The following TRIP6 variants were observed in gnomAD, a reference collection of about 807,000 sequenced individuals.
TRIP6 encodes thyroid hormone receptor interactor 6, also known as thyroid receptor-interacting protein 6.
In TRIP6, 33 loss-of-function variants were observed where a neutral mutation model predicts 51.9. The observed-to-expected ratio is 0.64, with a 90% confidence interval of 0.48 to 0.85. TRIP6 has a LOEUF of 0.85. Among genes scored for constraint, TRIP6 ranks in the 40% least tolerant of loss-of-function variants. The probability of loss-of-function intolerance (pLI) is 0.00; values close to 1 mark genes in which losing one functional copy is unlikely to be tolerated. For synonymous variants in TRIP6, 255 were observed against 275.8 expected (o/e 0.92, Z 0.75); for missense variants, 661 against 652.1 (o/e 1.01, Z -0.15).
intron 6 of TRIP6, chr7:100,871,323 C>T (rs1815263622): frequency 1.7e-6 from 1 of 602,552 alleles, no homozygotes; most frequent in African/African-American, 1.9e-5. Flanking sequence ...GCGTGAGCCA[C>T]TGCACCCAGC....
chr7:100,873,164 T>G lies in TRIP6; in HGVS notation c.1300-8T>G. The G allele has an allele frequency of 6.2e-7, 1 of 1,607,582 alleles. No homozygotes were observed. Among genetic ancestry groups the G allele is most frequent in the Non-Finnish European group, 8.5e-7 (1 of 1,175,740 alleles). On this transcript the variant is annotated splice_polypyrimidine_tract_variant and splice_region_variant and intron_variant, in intron 8 of 8. Coordinates refer to ENST00000200457, the MANE Select transcript of TRIP6 (RefSeq NM_003302.3). ...GCGCCCGGCCAATTGTTGCTTCTTT[T>G]TCAACAGGAGTGTGGGCTGCTGCTC...
intron 4 of TRIP6, among the ~76,000 whole-genome samples, 165 bp downstream of exon 4, chr7:100,869,031 T>C (rs987216503): frequency 3.9e-5 from 6 of 152,100 alleles, no homozygotes; most frequent in Admixed American, 3.9e-4. Flanking sequence ...CACTGCAACC[T>C]CTGCCTCCCG....
intron 8 of TRIP6, 74 bp from the exon 9 acceptor site, chr7:100,873,098 C>T (rs964000673): frequency 4.5e-6 from 7 of 1,557,558 alleles, no homozygotes; most frequent in Non-Finnish European, 5.2e-6. Context: ...ATCCTCCTGC[C>T]TCGGCTTCTC....
intron 3 of TRIP6, 125 bp downstream of exon 3, chr7:100,868,358 A>G: frequency 6.4e-7 from 1 of 1,569,156 alleles, no homozygotes. Flanking sequence ...TGCAAGTACC[A>G]ACATGTCAGC....
chr7:100,873,307 T>C lies in TRIP6; in HGVS notation c.*4T>C. 1 of 1,597,356 alleles carries C rather than the reference T, an allele frequency of 6.3e-7. No homozygotes were observed. The highest frequency in any genetic ancestry group is 8.6e-7 in the Non-Finnish European group (1 of 1,167,058). On this transcript the variant is annotated 3_prime_UTR_variant, in exon 9 of 9. Coordinates refer to ENST00000200457, the MANE Select transcript of TRIP6 (RefSeq NM_003302.3). The stretch of plus-strand genomic sequence containing the variant: ...CACCGTCACCACTGACTGCTGAGTC[T>C]TCCTAGAAGTACCTGCTGGGTTCTC...
At chr7:100,870,988 T>G (rs1321622547) in intron 6 of TRIP6, 4 of 671,268 alleles carry the variant, frequency 6.0e-6, no homozygotes, top group African/African-American at 1.8e-5. Context: ...ATGTGTTAGA[T>G]TCCCATGACA....
chr7:100,871,826 C>T, intron 7 of TRIP6, 105 bp downstream of exon 7: 1 of 1,388,126 alleles, frequency 7.2e-7, no homozygotes, highest in Non-Finnish European at 9.7e-7. Context: ...CCTGGCCCTC[C>T]TTCGTTCTTT....
At chr7:100,872,494 C>G in intron 7 of TRIP6, 130 bp from the exon 8 acceptor site, 1 of 1,398,594 alleles carries the variant, frequency 7.2e-7, no homozygotes, top group Non-Finnish European at 9.6e-7. Flanking sequence ...GACATCGTCC[C>G]TTCCCCAAGA....
Position 100,870,725 on chromosome 7 carries a change from T to G in TRIP6, c.981T>G (p.Tyr327Ter). The G allele has an allele frequency of 6.2e-7, 1 of 1,613,060 alleles. No homozygotes were observed. Among genetic ancestry groups the G allele is most frequent in the East Asian group, 2.2e-5 (1 of 44,840 alleles). Residue 327 changes from tyrosine to a stop codon, truncating the protein, a stop_gained, in exon 6 of 9, where the codon TAT becomes TAG. Coordinates refer to ENST00000200457, the MANE Select transcript of TRIP6 (RefSeq NM_003302.3). LOFTEE classifies it high-confidence loss of function. Reference protein sequence around the residue: ...QHFYAVERRAYCEGCYVATLE... With the variant: ...QHFYAVERRA ...TCTACGCCGTGGAGAGGAGGGCATA[T>G]TGCGAGGGCTGCTACGTGGTGAGTG...
intron 6 of TRIP6, 133 bp from the exon 7 acceptor site, chr7:100,871,410 C>A: frequency 2.4e-6 from 2 of 843,150 alleles, no homozygotes; most frequent in East Asian, 2.6e-5. Flanking sequence ...CTCAAGTCTG[C>A]CTTTCACCGA....
rs770259520 is a variant in TRIP6 at position 100,871,737 on chromosome 7, C to T, written c.1178+16C>T. The T allele has an allele frequency of 3.7e-6, 6 of 1,609,764 alleles. No individual in the cohort carries two copies. The highest frequency in any genetic ancestry group is 5.1e-6 in the Non-Finnish European group (6 of 1,177,032). On this transcript the variant is annotated intron_variant, in intron 7 of 8. Coordinates refer to ENST00000200457, the MANE Select transcript of TRIP6 (RefSeq NM_003302.3). ...ACTTTCACAGGTCAGGCCTGGCCTC[C>T]ACCTTGTCTCACAATGTCTGACCTT...
In TRIP6 at chr7:100,872,658, G is replaced by T; in HGVS notation, c.1213G>T (p.Ala405Ser). ...CCCAAGATGCTCAGTGTGCGGTGGG[G>T]CCATAATGCCTGAGCCAGGTCAGGA... ...FAPRCSVCGG[A>S]IMPEPGQEET... The change falls in exon 8 of 9, where the codon GCC becomes TCC. Residue 405 changes from alanine to serine, a missense_variant. By Grantham distance (99) the Ala-to-Ser change is moderately conservative (BLOSUM62 1). Coordinates refer to ENST00000200457, the MANE Select transcript of TRIP6 (RefSeq NM_003302.3). The T allele has an allele frequency of 6.2e-7, 1 of 1,614,064 alleles. No individual in the cohort carries two copies. The highest frequency in any genetic ancestry group is 8.5e-7 in the Non-Finnish European group (1 of 1,179,990).
At chr7:100,868,016 A>G (rs2115613568) in intron 2 of TRIP6, 28 bp downstream of exon 2, 1 of 1,519,986 alleles carries the variant, frequency 6.6e-7, no homozygotes. Context: ...GGGGTGGGAC[A>G]TGTGGGATCC....
intron 7 of TRIP6, 113 bp downstream of exon 7, chr7:100,871,834 T>C (rs1815278486): frequency 7.6e-7 from 1 of 1,322,676 alleles, no homozygotes; most frequent in East Asian, 2.5e-5. Flanking sequence ...TCCTTCGTTC[T>C]TTGTTATTGT....
Position 100,867,524 on chromosome 7 carries a change from G to A in TRIP6, c.27G>A (p.Pro9=), listed in dbSNP as rs1190010924. The change falls in exon 1 of 9, where the codon CCG becomes CCA. Residue 9 remains proline (P), a synonymous_variant. Coordinates refer to ENST00000200457, the MANE Select transcript of TRIP6 (RefSeq NM_003302.3). This position sits in a 1 kb window ranked among gnomAD's most constrained non-coding sequence, Gnocchi z 5.4. MSGPTWLP[P]KQPEPARAPQ... is the part of the protein sequence containing the mutation. ...TGTCGGGGCCCACCTGGCTGCCCCCGAAGCAGCCGGAGCCCGCCAGAGCCC... is the reference window on the plus strand; with the variant it reads ...TGTCGGGGCCCACCTGGCTGCCCCCAAAGCAGCCGGAGCCCGCCAGAGCCC... 3 of 1,513,936 alleles carry A rather than the reference G, an allele frequency of 2.0e-6. No homozygotes were observed. The highest frequency in any genetic ancestry group is 2.6e-6 in the Non-Finnish European group (3 of 1,133,254). The allele number at this position is 1,513,936 out of a possible 1,614,324, so 93.8% of individuals were successfully genotyped here.
intron 6 of TRIP6, chr7:100,871,058 C>CA (rs1423679240): frequency 1.9e-6 from 1 of 539,086 alleles, no homozygotes; most frequent in East Asian, 4.7e-5. Flanking sequence ...TTTTTTGAGA[C>CA]AGTCTCGCTC....
chr7:100,868,145 G>T lies in TRIP6; in HGVS notation c.275G>T (p.Ser92Ile), dbSNP rs747663739. 3 of 1,612,444 alleles carry T rather than the reference G, an allele frequency of 1.9e-6. No homozygotes were observed. The highest frequency in any genetic ancestry group is 1.7e-5 in the Admixed American group (1 of 59,604). ...GACAGGGGGGGCCTTCGCCCTGGAA[G>T]CCTGGACGCCGAGATAGACTTGCTG... ...PADRGGLRPG[S>I]LDAEIDLLSS... Residue 92 changes from serine to isoleucine, a missense_variant, in exon 3 of 9, where the codon AGC (serine) becomes ATC (isoleucine). Transcript: ENST00000200457.
Position 100,868,884 on chromosome 7 carries a change from G to A in TRIP6, c.735+18G>A, listed in dbSNP as rs745346975. ...GGCCCCAGGTGAGCCCTGGGGAACTGGGATTTCAGGCCCTACAGACAATGG... is the reference window on the plus strand; with the variant it reads ...GGCCCCAGGTGAGCCCTGGGGAACTAGGATTTCAGGCCCTACAGACAATGG... On this transcript the variant is annotated intron_variant, in intron 4 of 8. Transcript: ENST00000200457. 5 of 1,487,392 alleles carry A rather than the reference G, an allele frequency of 3.4e-6. No homozygotes were observed. Among genetic ancestry groups the A allele is most frequent in the Non-Finnish European group, 4.5e-6 (5 of 1,122,342 alleles). 92.1% of individuals were successfully genotyped at this position (1,487,392 alleles called of 1,614,324 possible).
chr7:100,869,988 C>T (rs1473826116), intron 4 of TRIP6, among the ~76,000 whole-genome samples: 2 of 152,000 alleles, frequency 1.3e-5, no homozygotes, highest in African/African-American at 4.8e-5. Flanking sequence ...AATTCACCAT[C>T]ATGTAGGATC....
Sources: allele counts gnomAD v4.1 joint callset (sites outside exome capture counted in the v4.1 genomes callset), GRCh38; gene constraint gnomAD v4.1.1; non-coding constraint Gnocchi (gnomAD v3.1); transcripts MANE v1.5; gene names NCBI Gene and HGNC (gene_info 2026-07-23, HGNC 2026-07-21).